The following MCM3 variants were observed in gnomAD, a reference collection of about 807,000 sequenced individuals.
The protein encoded by MCM3 is minichromosome maintenance complex component 3, also known as DNA replication licensing factor MCM3.
Under a neutral mutation model 91.3 loss-of-function variants are expected in MCM3, and 59 were observed. The ratio of observed to expected loss-of-function variants is 0.65; its 90% confidence interval spans 0.52 to 0.80. MCM3 has a LOEUF of 0.80. MCM3 is among the 30% of genes least tolerant of loss of function. The probability of loss-of-function intolerance (pLI) is 0.00; values close to 1 mark genes in which losing one functional copy is unlikely to be tolerated. For synonymous variants in MCM3, 383 were observed against 379.6 expected, an observed-to-expected ratio of 1.01 and a Z score of -0.10; for missense variants, 919 against 1,035.4, an observed-to-expected ratio of 0.89 and a Z score of 1.54.
chr6:52,278,699 A>G, intron 6 of MCM3, 43 bp downstream of exon 6: 1 of 1,387,136 alleles, frequency 7.2e-7, no homozygotes, highest in Non-Finnish European at 1.0e-6. Context: ...CACAACTCTT[A>G]GAAATCCATT....
chr6:52,272,491 C>T, intron 11 of MCM3, 40 bp from the exon 12 acceptor site: 2 of 1,610,842 alleles, frequency 1.2e-6, no homozygotes, highest in Non-Finnish European at 1.7e-6. Flanking sequence ...CCTGCCACAC[C>T]TTACCACCTG....
At chr6:52,277,039 C>T (rs759609421) in intron 8 of MCM3, 28 bp downstream of exon 8, 1 of 1,602,544 alleles carries the variant, frequency 6.2e-7, no homozygotes, top group African/African-American at 1.3e-5. Flanking sequence ...CTCTGCTGGG[C>T]CTTTGCCAAG....
intron 11 of MCM3, 149 bp from the exon 12 acceptor site, chr6:52,272,600 C>T (rs762860826): frequency 3.2e-5 from 22 of 677,516 alleles, no homozygotes; most frequent in Non-Finnish European, 4.9e-5. Flanking sequence ...AGACAAGACT[C>T]TTTCACATAT....
intron 11 of MCM3, 94 bp downstream of exon 11, chr6:52,273,136 G>A (rs1765269038): frequency 6.9e-7 from 1 of 1,457,152 alleles, no homozygotes; most frequent in African/African-American, 1.4e-5. Flanking sequence ...CTTTGACCTG[G>A]GCATATAAGG....
chr6:52,267,887 C>T lies in MCM3; in HGVS notation c.2050G>A (p.Asp684Asn). The stretch of plus-strand genomic sequence containing the variant: ...TACCTCTTCCTCTTCTGCTCCTGGT[C>T]CTCTTGGCTTTTCTCCTCTTCATCT... ...TEDEEEKSQEDQEQKRKRRKT... is the reference protein window; with the variant it reads ...TEDEEEKSQENQEQKRKRRKT... The change falls in exon 14 of 17, where the codon GAC (aspartate) becomes AAC (asparagine). Residue 684 changes from aspartate to asparagine, a missense_variant. Physicochemically the swap from Asp to Asn is conservative, Grantham distance 23. This residue lies in a region of MCM3 where 285 missense variants were observed against 311.4 expected (regional missense o/e 0.92). Transcript: ENST00000596288. 3.2e-6 allele frequency: 4 copies of T among 1,268,976 alleles called. No individual in the cohort carries two copies. The highest frequency in any genetic ancestry group is 4.6e-6 in the Non-Finnish European group (4 of 874,316). 78.6% of individuals were successfully genotyped at this position (1,268,976 alleles called of 1,614,324 possible). A position where few individuals can be genotyped will look rare whatever the true frequency, so the allele number is the denominator to read the frequency against.
At position 52,283,165 on chromosome 6, in the gene MCM3, A is replaced by T. The variant is rs574737211; in HGVS notation, c.191+129T>A. On this transcript the variant is annotated intron_variant, in intron 2 of 16. Transcript: ENST00000596288. ...AAAAAAAAAAAAAAAAAATAGGTGC[A>T]GGTGAGCTACGAGGGCTTGTAGATC... is the stretch of plus-strand genomic sequence containing the variant. 4 of 695,192 alleles carry T rather than the reference A, an allele frequency of 5.8e-6. No homozygotes were observed. In the African/African-American group the frequency reaches 7.3e-5, roughly 13 times the overall value. The allele number at this position is 695,192 out of a possible 1,614,324, so 43.1% of individuals were successfully genotyped here. A position where few individuals can be genotyped will look rare whatever the true frequency, so the allele number is the denominator to read the frequency against.
chr6:52,284,715 G>A lies in MCM3; in HGVS notation c.-41C>T, dbSNP rs1339364917. 5.1e-6 allele frequency: 8 copies of A among 1,582,836 alleles called. No homozygotes were observed. The African/African-American group carries it at 6.8e-5, about 13-fold the overall frequency. On this transcript the variant is annotated 5_prime_UTR_variant, in exon 1 of 17. Coordinates refer to ENST00000596288, the MANE Select transcript of MCM3 (RefSeq NM_002388.6). ...ACTACCTCCACCAAAGTCGCGTGGA[G>A]GTTCCCAGGATGACTCCACCCCGGC...
chr6:52,271,039 CG>C (rs1765093003), intron 12 of MCM3, among the ~76,000 whole-genome samples: 1 of 151,986 alleles, frequency 6.6e-6, no homozygotes, highest in African/African-American at 2.4e-5. Flanking sequence ...AGTGAAACCC[CG>C]TCTCTACTAA....
chr6:52,278,467 A>C (rs1170252072), intron 6 of MCM3, among the ~76,000 whole-genome samples: 1 of 152,236 alleles, frequency 6.6e-6, no homozygotes, highest in Non-Finnish European at 1.5e-5. Flanking sequence ...AAATAGACTT[A>C]CTGGTACACG....
intron 6 of MCM3, among the ~76,000 whole-genome samples, chr6:52,278,474 C>T (rs1389113166): frequency 6.6e-6 from 1 of 152,194 alleles, no homozygotes; most frequent in Non-Finnish European, 1.5e-5. Flanking sequence ...CTTACTGGTA[C>T]ACGGGCAAGT....
Position 52,276,540 on chromosome 6 carries a change from T to G in MCM3, c.1166-64A>C. On this transcript the variant is annotated intron_variant, in intron 8 of 16. Transcript: ENST00000596288. ...GGTTATAGGGGCCAGAAGGGAAGGA[T>G]TTCAATCTCCTTCCTAGGAATCTCT... 5 of 1,310,448 alleles carry G rather than the reference T, an allele frequency of 3.8e-6. No individual in the cohort carries two copies. The East Asian group carries it at 1.2e-4, about 31-fold the overall frequency. The allele number at this position is 1,310,448 out of a possible 1,614,324, so 81.2% of individuals were successfully genotyped here.
At chr6:52,267,371 C>T (rs1764724755) in intron 14 of MCM3, among the ~76,000 whole-genome samples, 1 of 152,014 alleles carries the variant, frequency 6.6e-6, no homozygotes, top group Non-Finnish European at 1.5e-5. Context: ...GCTGGGATTA[C>T]AGGCGTGAGC....
rs748679863 is a variant in MCM3, at chr6:52,272,424, C to T, written c.1704G>A (p.Met568Ile). Residue 568 changes from methionine (M) to isoleucine (I), a missense_variant, in exon 12 of 17, where the codon ATG becomes ATA. Transcript: ENST00000596288. The part of the protein sequence containing the change: ...KKEKMVSAAF[M>I]KKYIHVAKII... ...TTTTGGCCACATGGATGTACTTCTT[C>T]ATGAATGCTGCACTCACCATCTTCT... 4 of 1,614,202 alleles carry T rather than the reference C, an allele frequency of 2.5e-6. No individual in the cohort carries two copies. In the Admixed American group the frequency reaches 6.7e-5, roughly 27 times the overall value.
rs760672613 is a variant in MCM3 at position 52,283,301 on chromosome 6, C to T, written c.184G>A (p.Ala62Thr). The stretch of plus-strand genomic sequence containing the variant: ...TATCCCCTTGCCTCTCACCGGTTAG[C>T]CCTCTTCTCGTTTTTCCTGCGCAGG... ...NDLRRKNEKR[A>T]NRLLNNAFEE... The change falls in exon 2 of 17, where the codon GCT becomes ACT. Residue 62 changes from alanine (A) to threonine (T), a missense_variant. Physicochemically the swap from Ala to Thr is moderately conservative, Grantham distance 58. Around this residue, in one of 3 missense-constraint regions of MCM3, gnomAD observed 401 missense variants for 402.7 expected, o/e 1.00. Transcript: ENST00000596288. The T allele has an allele frequency of 6.2e-7, 1 of 1,613,908 alleles. No individual in the cohort carries two copies. Among genetic ancestry groups the T allele is most frequent in the African/African-American group, 1.3e-5 (1 of 75,014 alleles).
rs757852307 is a variant in MCM3 at position 52,282,050 on chromosome 6, T to C, written c.526A>G (p.Thr176Ala). ...VAFPSSSVYP[T>A]KDEENNPLET... ...AACTGATTTATCCCCCTTACCTTGG[T>C]AGGATAGACAGAGCTGGAGGGAAAG... Residue 176 changes from threonine to alanine, a missense_variant, in exon 4 of 17, where the codon ACC becomes GCC. Physicochemically the swap from Thr to Ala is moderately conservative, Grantham distance 58. Transcript: ENST00000596288. 7 of 1,613,796 alleles carry C rather than the reference T, an allele frequency of 4.3e-6. No individual in the cohort carries two copies. The highest frequency in any genetic ancestry group is 5.1e-6 in the Non-Finnish European group (6 of 1,179,944).
chr6:52,272,923 C>T (rs1765256764), intron 11 of MCM3, among the ~76,000 whole-genome samples: 1 of 152,234 alleles, frequency 6.6e-6, no homozygotes, highest in African/African-American at 2.4e-5. Flanking sequence ...CCCTTCATCA[C>T]AAATGGCTAC....
intron 9 of MCM3, among the ~76,000 whole-genome samples, chr6:52,274,917 T>A (rs1765434346): frequency 6.6e-6 from 1 of 152,072 alleles, no homozygotes. Flanking sequence ...TAAACATACA[T>A]TATCATTTAT....
rs1359420374 is a variant in MCM3, at chr6:52,282,135, G to A, written c.441C>T (p.Tyr147=). 3.1e-6 allele frequency: 5 copies of A among 1,613,960 alleles called. No individual in the cohort carries two copies. ...VRPKVVRSVH[Y]CPATKKTIER... ...CTATGGTCTTCTTAGTAGCAGGACA[G>A]TAGTGGACACTGCGGACGACTTTGG... Residue 147 remains tyrosine, a synonymous_variant, in exon 4 of 17, where the codon TAC becomes TAT. Transcript: ENST00000596288.
At chr6:52,275,358 T>C (rs1284410741) in intron 9 of MCM3, among the ~76,000 whole-genome samples, 2 of 152,334 alleles carry the variant, frequency 1.3e-5, no homozygotes, top group African/African-American at 2.4e-5. Flanking sequence ...TTACATAATC[T>C]TTTGTACCTC....
Sources: gnomAD v4.1 joint callset for allele counts (sites outside exome capture counted in the v4.1 genomes callset) on GRCh38, gnomAD v4.1.1 for gene constraint, gnomAD v4.1.1 regional missense constraint, MANE v1.5 for transcripts, NCBI Gene and HGNC (gene_info 2026-07-23, HGNC 2026-07-21) for gene names.